Variants in ZNF512 observed in about 807,000 individuals in gnomAD.
ZNF512 encodes zinc finger protein 512.
In ZNF512, 25 loss-of-function variants were observed where a neutral mutation model predicts 77.5. The ratio of observed to expected loss-of-function variants is 0.32; its 90% CI spans 0.23 to 0.45. The LOEUF (loss-of-function observed/expected upper bound fraction) is 0.45, where lower values mean the gene tolerates loss of function less well. Among genes scored for constraint, ZNF512 ranks in the 20% least tolerant of loss-of-function variants. The pLI is 1.00. For synonymous variants in ZNF512, 246 were observed against 239.9 expected (o/e 1.03, Z -0.24); for missense variants, 483 against 692.6 (o/e 0.70, Z 3.40).
intron 12 of ZNF512, among the ~76,000 whole-genome samples, chr2:27,616,843 G>C (rs867830418): frequency 6.6e-6 from 1 of 152,126 alleles, no homozygotes; most frequent in African/African-American, 2.4e-5. Flanking sequence ...ACCAGCCATG[G>C]GAATTGCTGC....
At position 27,620,916 on chromosome 2, in the gene ZNF512, T is replaced by C. The variant is rs187299732; in HGVS notation, c.1396-237T>C. 4.6e-5 allele frequency among the ~76,000 whole-genome samples: 7 copies of C among 152,238 alleles called. No individual in the cohort carries two copies. In the East Asian group the frequency reaches 1.4e-3, roughly 29 times the overall value. ...TGGGATGATGCTAAGTAAACAGACT[T>C]TGTAGATCATTTATTAAAGTCCCTA... On this transcript the variant is annotated intron_variant, in intron 13 of 13. Transcript: ENST00000355467.
At chr2:27,612,335 A>G (rs1326772681) in intron 10 of ZNF512, among the ~76,000 whole-genome samples, 1 of 152,016 alleles carries the variant, frequency 6.6e-6, no homozygotes, top group African/African-American at 2.4e-5. Flanking sequence ...CCTGGAATCA[A>G]CCATTTCTCT....
intron 4 of ZNF512, 32 bp from the exon 5 acceptor site, chr2:27,599,938 A>T: frequency 6.2e-7 from 1 of 1,612,448 alleles, no homozygotes; most frequent in Non-Finnish European, 8.5e-7. Context: ...CAAGGGTGAC[A>T]TGCTGGGCTT....
chr2:27,612,860 G>A (rs527819067), intron 10 of ZNF512, among the ~76,000 whole-genome samples: 23 of 152,140 alleles, frequency 1.5e-4, no homozygotes, highest in African/African-American at 5.5e-4. Flanking sequence ...ATTTGTAATA[G>A]GTTCATGTGT....
chr2:27,607,499 C>A (rs552260889), intron 9 of ZNF512, among the ~76,000 whole-genome samples: 2 of 152,164 alleles, frequency 1.3e-5, no homozygotes, highest in Non-Finnish European at 2.9e-5. Context: ...TCCCGAGTAG[C>A]TGGGACTACA....
At chr2:27,590,659 G>T (rs1209256142) in intron 2 of ZNF512, among the ~76,000 whole-genome samples, 1 of 151,996 alleles carries the variant, frequency 6.6e-6, no homozygotes, top group East Asian at 1.9e-4. Flanking sequence ...AATGCTTAGT[G>T]TCTGCCCCTA....
In ZNF512 at chr2:27,603,287, C is replaced by T; in HGVS notation, c.916C>T (p.Leu306=). The T allele has an allele frequency of 1.2e-6, 2 of 1,613,896 alleles. No individual in the cohort carries two copies. The highest frequency in any genetic ancestry group is 1.7e-6 in the Non-Finnish European group (2 of 1,179,890). The change falls in exon 9 of 14, where the codon CTG becomes TTG. Residue 306 remains leucine (L), a synonymous_variant. Coordinates refer to ENST00000355467, the MANE Select transcript of ZNF512 (RefSeq NM_032434.4). The part of the protein sequence containing the change: ...YRSKAGLAYH[L]RSEHGPISFF... Reference sequence around the variant, plus strand: ...GTCGAAGGCTGGACTTGCATATCACCTGAGGTCAGAGCATGGGCCTGTGAG... The same window carrying T: ...GTCGAAGGCTGGACTTGCATATCACTTGAGGTCAGAGCATGGGCCTGTGAG...
intron 2 of ZNF512, among the ~76,000 whole-genome samples, chr2:27,595,798 C>T (rs1223086557): frequency 6.6e-6 from 1 of 151,988 alleles, no homozygotes; most frequent in South Asian, 2.1e-4. Flanking sequence ...TGATTCCCAC[C>T]TTTTCCTTCA....
chr2:27,617,922 T>C (rs973581130), intron 13 of ZNF512, among the ~76,000 whole-genome samples: 1 of 112,686 alleles, frequency 8.9e-6, no homozygotes, highest in Non-Finnish European at 1.9e-5. Flanking sequence ...AAAAAAAAAA[T>C]CACTGTGACT....
intron 9 of ZNF512, among the ~76,000 whole-genome samples, chr2:27,605,911 A>G (rs1444928611): frequency 6.6e-6 from 1 of 152,218 alleles, no homozygotes; most frequent in East Asian, 1.9e-4. Flanking sequence ...TGGCTGTGCC[A>G]TTTTGCATTC....
In ZNF512 at chr2:27,621,182, C is replaced by G. The variant is rs755003865; in HGVS notation, c.1425C>G (p.Thr475=). The change falls in exon 14 of 14, where the codon ACC becomes ACG. Residue 475 remains threonine, a synonymous_variant. Coordinates refer to ENST00000355467, the MANE Select transcript of ZNF512 (RefSeq NM_032434.4). ...EDWFVVNPTT[T]KSFEKLMKIK... is the part of the protein sequence containing the mutation. ...GGTTCGTTGTAAACCCAACAACAAC[C>G]AAAAGCTTTGAAAAGCTGATGAAGA... 6.2e-7 allele frequency: 1 copy of G among 1,613,790 alleles called. No homozygotes were observed. The highest frequency in any genetic ancestry group is 1.1e-5 in the South Asian group (1 of 91,056).
At chr2:27,590,813 G>A (rs772118699) in intron 2 of ZNF512, among the ~76,000 whole-genome samples, 16 of 151,744 alleles carry the variant, frequency 1.1e-4, no homozygotes, top group African/African-American at 2.7e-4. Flanking sequence ...CATCTACCCC[G>A]GCCTGTTTAC....
chr2:27,600,012 A>G lies in ZNF512; in HGVS notation c.416A>G (p.Gln139Arg). ...RPKTQPNPKS[Q>R]ARRIRKEPPV... is the part of the protein sequence containing the mutation. ...AAAACTCAGCCCAATCCCAAATCCC[A>G]GGCCCGTCGTATTCGGAAGGAACCA... Residue 139 changes from glutamine to arginine, a missense_variant, in exon 5 of 14, where the codon CAG (glutamine) becomes CGG (arginine). This residue lies in a region of ZNF512 where 159 missense variants were observed against 167.5 expected (regional missense o/e 0.95). Coordinates refer to ENST00000355467, the MANE Select transcript of ZNF512 (RefSeq NM_032434.4). The G allele has an allele frequency of 6.2e-7, 1 of 1,614,208 alleles. No homozygotes were observed. Among genetic ancestry groups the G allele is most frequent in the Non-Finnish European group, 8.5e-7 (1 of 1,180,030 alleles).
intron 2 of ZNF512, among the ~76,000 whole-genome samples, chr2:27,596,800 C>T (rs1279543080): frequency 3.3e-5 from 5 of 152,228 alleles, no homozygotes; most frequent in Admixed American, 2.6e-4. Context: ...AACATACTGA[C>T]ATAACCAGTC....
At chr2:27,612,214 A>G (rs1380806288) in intron 10 of ZNF512, among the ~76,000 whole-genome samples, 1 of 152,078 alleles carries the variant, frequency 6.6e-6, no homozygotes, top group African/African-American at 2.4e-5. Flanking sequence ...CGCTCTTTCA[A>G]GTGGGCTCCT....
chr2:27,615,141 A>G, intron 10 of ZNF512, 27 bp from the exon 11 acceptor site: 1 of 1,410,402 alleles, frequency 7.1e-7, no homozygotes, highest in East Asian at 2.3e-5. Flanking sequence ...GTATTTATCT[A>G]ATGTTTCTGG....
In ZNF512 at chr2:27,617,506, C is replaced by A; in HGVS notation, c.1330C>A (p.Leu444Ile). 6.7e-7 allele frequency: 1 copy of A among 1,499,494 alleles called. No homozygotes were observed. Among genetic ancestry groups the A allele is most frequent in the Non-Finnish European group, 9.3e-7 (1 of 1,075,304 alleles). 92.9% of individuals were successfully genotyped at this position (1,499,494 alleles called of 1,614,324 possible). A position where few individuals can be genotyped will look rare whatever the true frequency, so the allele number is the denominator to read the frequency against. The part of the protein sequence containing the change: ...NFVAGKYKCL[L>I]CQKEFVSESG... ...TGTGGCTGGAAAATACAAATGTCTT[C>A]TATGTCAGAAAGAATTTGTGTCAGA... The change falls in exon 13 of 14, where the codon CTA (leucine) becomes ATA (isoleucine). Residue 444 changes from leucine (L) to isoleucine (I), a missense_variant. Physicochemically the swap from Leu to Ile is conservative, Grantham distance 5. Transcript: ENST00000355467.
chr2:27,599,155 C>T (rs1229418422), intron 3 of ZNF512, among the ~76,000 whole-genome samples: 4 of 152,172 alleles, frequency 2.6e-5, no homozygotes, highest in African/African-American at 9.7e-5. Context: ...GCTGGCCCCC[C>T]TTTTCTTCTA....
chr2:27,598,083 T>G lies in ZNF512; in HGVS notation c.106T>G (p.Ser36Ala). 2 of 1,579,878 alleles carry G rather than the reference T, an allele frequency of 1.3e-6. No homozygotes were observed. The highest frequency in any genetic ancestry group is 1.7e-6 in the Non-Finnish European group (2 of 1,154,436). Residue 36 changes from serine (S) to alanine (A), a missense_variant, in exon 3 of 14, where the codon TCC (serine) becomes GCC (alanine). Coordinates refer to ENST00000355467, the MANE Select transcript of ZNF512 (RefSeq NM_032434.4). ...TTGTATTAGTAGCAGGACCCAGTGCTCCATAAAGGATAATAGTTTCCAGTA... is the reference window on the plus strand; with the variant it reads ...TTGTATTAGTAGCAGGACCCAGTGCGCCATAAAGGATAATAGTTTCCAGTA... ...VGAKNSRTQC[S>A]IKDNSFQYTI...
Sources: allele counts gnomAD v4.1 joint callset (sites outside exome capture counted in the v4.1 genomes callset), GRCh38; gene constraint gnomAD v4.1.1; regional missense constraint gnomAD v4.1.1; transcripts MANE v1.5; gene names NCBI Gene and HGNC (gene_info 2026-07-23, HGNC 2026-07-21).